RBFOX1: variants seen among roughly 807,000 people sequenced by gnomAD.
RBFOX1 encodes the protein RNA binding fox-1 homolog 1.
Under a neutral mutation model 57.7 loss-of-function variants are expected in RBFOX1, and 8 were observed. The observed-to-expected ratio is 0.14, with a 90% confidence interval of 0.08 to 0.25. The LOEUF is 0.25. Ranked by LOEUF, RBFOX1 falls within the 10% of genes least tolerant of loss-of-function variation. The pLI, the probability that RBFOX1 is intolerant of heterozygous loss-of-function variation, is 1.00. For missense variants in RBFOX1, 611 were observed against 548.5 expected (o/e 1.11, Z -1.14); for synonymous variants, 326 against 222.4 (o/e 1.47, Z -4.15).
intron 3 of RBFOX1, among the ~76,000 whole-genome samples, chr16:6,929,658 T>A (rs1434612389): frequency 2.0e-5 from 3 of 152,198 alleles, no homozygotes. Flanking sequence ...CTCAGAGTTA[T>A]ATCCAGCTTG....
chr16:6,199,268 G>A (rs1236937915), intron 1 of RBFOX1, among the ~76,000 whole-genome samples: 3 of 152,164 alleles, frequency 2.0e-5, no homozygotes, highest in Non-Finnish European at 4.4e-5. Context: ...TAAAATAGGT[G>A]TATGTTCACA....
At chr16:6,031,250 C>T (rs1474366382) in intron 1 of RBFOX1, among the ~76,000 whole-genome samples, 2 of 151,992 alleles carry the variant, frequency 1.3e-5, no homozygotes, top group East Asian at 1.9e-4. Flanking sequence ...GCAGTGTGTT[C>T]AGAAGCCCGG....
intron 2 of RBFOX1, among the ~76,000 whole-genome samples, chr16:6,404,633 G>A (rs1328434201): frequency 1.3e-5 from 2 of 152,094 alleles, no homozygotes. Flanking sequence ...GGACGGGGAG[G>A]TTTTCATGGA....
intron 2 of RBFOX1, among the ~76,000 whole-genome samples, chr16:6,367,570 C>T (rs1307723215): frequency 1.3e-5 from 2 of 152,044 alleles, no homozygotes; most frequent in Non-Finnish European, 2.9e-5. Context: ...GCGCCTGGCC[C>T]CTTCTTGGAT....
intron 1 of RBFOX1, among the ~76,000 whole-genome samples, chr16:5,398,277 G>T (rs551784): frequency 2.0e-5 from 3 of 151,518 alleles, no homozygotes; most frequent in African/African-American, 7.3e-5. Context: ...GCACGTGCTG[G>T]TGTGTGTGCA....
At chr16:5,698,055 G>A (rs1239300029) in intron 3 of RBFOX1, among the ~76,000 whole-genome samples, 2 of 152,102 alleles carry the variant, frequency 1.3e-5, no homozygotes, top group African/African-American at 2.4e-5. Context: ...TTCTGGTTTT[G>A]AATCGTTATT....
chr16:5,878,805 T>C (rs1305123075), intron 4 of RBFOX1, among the ~76,000 whole-genome samples: 1 of 152,152 alleles, frequency 6.6e-6, no homozygotes, highest in Non-Finnish European at 1.5e-5. Flanking sequence ...CTAAAAAAAC[T>C]AAAAATTGAA....
chr16:7,138,101 C>G (rs9302840), intron 4 of RBFOX1, among the ~76,000 whole-genome samples: 1 of 152,066 alleles, frequency 6.6e-6, no homozygotes, highest in Non-Finnish European at 1.5e-5. Context: ...CTCAGAGATT[C>G]GTATCACAGC....
chr16:7,374,199 T>C (rs2097639951), intron 4 of RBFOX1, among the ~76,000 whole-genome samples: 1 of 152,156 alleles, frequency 6.6e-6, no homozygotes, highest in Non-Finnish European at 1.5e-5. Flanking sequence ...AGCATGAATT[T>C]TGGGGATTCA....
intron 2 of RBFOX1, among the ~76,000 whole-genome samples, chr16:6,438,786 A>G (rs1311751111): frequency 2.0e-5 from 3 of 151,948 alleles, no homozygotes; most frequent in East Asian, 1.9e-4. Context: ...GACATGCATA[A>G]TGCTACTAGG....
chr16:6,436,327 G>A (rs1401168519), intron 2 of RBFOX1, among the ~76,000 whole-genome samples: 1 of 152,004 alleles, frequency 6.6e-6, no homozygotes, highest in African/African-American at 2.4e-5. Flanking sequence ...TTCTCTGTTA[G>A]TATATTTTAT....
At chr16:6,436,511 CTTTT>C (rs61508952) in intron 2 of RBFOX1, among the ~76,000 whole-genome samples, 5 of 103,404 alleles carry the variant, frequency 4.8e-5, no homozygotes, top group Non-Finnish European at 8.2e-5. Context: ...TTTTTCTTCA[CTTTT>C]TTTTTTTTTT....
chr16:7,665,495 T>C (rs762762427), intron 13 of RBFOX1, among the ~76,000 whole-genome samples: 45 of 152,196 alleles, frequency 3.0e-4, no homozygotes, highest in Admixed American at 4.6e-4. Flanking sequence ...AAATTGAACA[T>C]TGAGCCCCCA....
chr16:5,413,406 T>C (rs1196588763), intron 1 of RBFOX1, among the ~76,000 whole-genome samples: 1 of 152,200 alleles, frequency 6.6e-6, no homozygotes, highest in Non-Finnish European at 1.5e-5. Flanking sequence ...CAGCATCCAA[T>C]ACATATCCGT....
At position 6,992,011 on chromosome 16, in the gene RBFOX1, C is replaced by G. The variant is rs927448050; in HGVS notation, c.-15-60046C>G. 8.5e-5 allele frequency among the ~76,000 whole-genome samples: 13 copies of G among 152,060 alleles called. 1 individual carries two copies. The highest frequency in any genetic ancestry group is 2.7e-4 in the African/African-American group (11 of 41,340). On this transcript the variant is annotated intron_variant, in intron 3 of 15. Coordinates refer to ENST00000550418, the MANE Select transcript of RBFOX1 (RefSeq NM_018723.4). ...GTTTCAGAAGCTGGTGCTATGAAAA[C>G]TACACCTTGAAAACTATTGTCAGAG...
chr16:6,314,806 G>A (rs193120523), intron 1 of RBFOX1, among the ~76,000 whole-genome samples: 1 of 152,330 alleles, frequency 6.6e-6, no homozygotes, highest in East Asian at 1.9e-4. Context: ...TTAGGACTCA[G>A]ATAATCCTGC....
chr16:5,940,674 T>C (rs1224858268), intron 4 of RBFOX1, among the ~76,000 whole-genome samples: 2 of 152,186 alleles, frequency 1.3e-5, no homozygotes, highest in African/African-American at 2.4e-5. Context: ...CCGTGGTAAA[T>C]CACCATTTCA....
chr16:7,377,095 A>G (rs1399728587), intron 4 of RBFOX1, among the ~76,000 whole-genome samples: 2 of 152,218 alleles, frequency 1.3e-5, no homozygotes, highest in African/African-American at 2.4e-5. Context: ...CTTCTTTTTC[A>G]TGATATCTTA....
chr16:7,097,819 G>T (rs1307504092), intron 4 of RBFOX1, among the ~76,000 whole-genome samples: 3 of 152,216 alleles, frequency 2.0e-5, no homozygotes, highest in African/African-American at 7.2e-5. Context: ...AAAATACGAA[G>T]TATATGGAAA....
Sources: gnomAD v4.1 joint callset for allele counts (sites outside exome capture counted in the v4.1 genomes callset) on GRCh38, gnomAD v4.1.1 for gene constraint, MANE v1.5 for transcripts, NCBI Gene and HGNC (gene_info 2026-07-23, HGNC 2026-07-21) for gene names.